The following COL5A1 variants were observed in gnomAD, a reference collection of about 807,000 sequenced individuals.
The protein encoded by COL5A1 is collagen type V alpha 1 chain.
COL5A1 carries 16 observed loss-of-function variants against 263.7 expected under a neutral mutation model. The ratio of observed to expected loss-of-function variants is 0.06; its 90% confidence interval spans 0.04 to 0.09. COL5A1 has a LOEUF of 0.09. Ranked by LOEUF, COL5A1 falls within the 10% of genes least tolerant of loss-of-function variation. The pLI is 1.00. For missense variants in COL5A1, 2,036 were observed against 2,540.5 expected (o/e 0.80, Z 4.27); for synonymous variants, 1,012 against 1,004.5 (o/e 1.01, Z -0.14).
At chr9:134,831,977 T>G (rs1026472795) in intron 64 of COL5A1, among the ~76,000 whole-genome samples, 1 of 152,130 alleles carries the variant, frequency 6.6e-6, no homozygotes, top group Non-Finnish European at 1.5e-5. Context: ...GATACCCAGA[T>G]TTTTCAGCCA....
At chr9:134,646,401 A>G (rs902063912) in intron 1 of COL5A1, among the ~76,000 whole-genome samples, 2 of 151,778 alleles carry the variant, frequency 1.3e-5, no homozygotes, top group African/African-American at 4.8e-5. Context: ...TGCAGAAATG[A>G]CCCTCCTTCG....
intron 4 of COL5A1, among the ~76,000 whole-genome samples, 180 bp from the exon 5 acceptor site, chr9:134,727,086 C>T (rs553990379): frequency 3.2e-4 from 33 of 102,004 alleles, no homozygotes; most frequent in Non-Finnish European, 5.9e-4. Context: ...GATGGGCCAG[C>T]CTAGCTTGAG....
chr9:134,827,025 C>T (rs1839310804), intron 63 of COL5A1, among the ~76,000 whole-genome samples: 1 of 152,168 alleles, frequency 6.6e-6, no homozygotes, highest in Non-Finnish European at 1.5e-5. Context: ...GCTCTCGTGC[C>T]CCTGCATCAG....
At position 134,757,156 on chromosome 9, in the gene COL5A1, G is replaced by A. The variant is rs1836008994; in HGVS notation, c.1881+338G>A. Among the ~76,000 whole-genome samples the A allele has an allele frequency of 6.6e-6, 1 of 152,146 alleles. No homozygotes were observed. The highest frequency in any genetic ancestry group is 6.5e-5 in the Admixed American group (1 of 15,278). ...CATATGGCAAGTGCGGGGGCCAGGGGGTCTTGTCCAGTCGGGACTCCTGGG... is the reference window on the plus strand; with the variant it reads ...CATATGGCAAGTGCGGGGGCCAGGGAGTCTTGTCCAGTCGGGACTCCTGGG... On this transcript the variant is annotated intron_variant, in intron 17 of 65. Coordinates refer to ENST00000371817, the MANE Select transcript of COL5A1 (RefSeq NM_000093.5). This position sits in a 1 kb window ranked among gnomAD's most constrained non-coding sequence, Gnocchi z 6.2.
Position 134,761,993 on chromosome 9 carries a change from G to T in COL5A1, c.1989+15G>T, listed in dbSNP as rs765969450. On this transcript the variant is annotated intron_variant, in intron 19 of 65. Transcript: ENST00000371817. ...ATGGAGAAAGGGTAGGTATTCTGCC[G>T]TCCCTCCGACTGCTCCTGCCTGCCC... 6.2e-7 allele frequency: 1 copy of T among 1,612,950 alleles called. No individual in the cohort carries two copies. Among genetic ancestry groups the T allele is most frequent in the Non-Finnish European group, 8.5e-7 (1 of 1,179,558 alleles).
At chr9:134,695,645 A>AG (rs1348064334) in intron 2 of COL5A1, among the ~76,000 whole-genome samples, 4 of 152,238 alleles carry the variant, frequency 2.6e-5, no homozygotes, top group Middle Eastern at 3.4e-3. Flanking sequence ...GGCTGAGAGG[A>AG]GGGGGGTCCC....
intron 9 of COL5A1, among the ~76,000 whole-genome samples, chr9:134,732,862 G>A (rs1186694278): frequency 6.6e-6 from 1 of 152,184 alleles, no homozygotes; most frequent in Non-Finnish European, 1.5e-5. Context: ...TGGCCTGGCT[G>A]GGAGGCCTCC....
chr9:134,696,886 C>T lies in COL5A1; in HGVS notation c.278-3023C>T, dbSNP rs1329659244. ...GAGATCGAGACCATCCTGGCTAACA[C>T]GGTGAAACCCCATCCCTACTAAAAA... On this transcript the variant is annotated intron_variant, in intron 2 of 65. Coordinates refer to ENST00000371817, the MANE Select transcript of COL5A1 (RefSeq NM_000093.5). This position sits in a 1 kb window ranked among gnomAD's most constrained non-coding sequence, Gnocchi z 4.3. 7.2e-5 allele frequency among the ~76,000 whole-genome samples: 11 copies of T among 152,068 alleles called. No homozygotes were observed. The highest frequency in any genetic ancestry group is 1.3e-4 in the Admixed American group (2 of 15,274).
intron 6 of COL5A1, among the ~76,000 whole-genome samples, chr9:134,729,886 G>C (rs761413435): frequency 4.5e-4 from 69 of 152,216 alleles, no homozygotes; most frequent in Non-Finnish European, 7.8e-4. Context: ...AGGTGACCTG[G>C]TCATCTCACA....
intron 35 of COL5A1, among the ~76,000 whole-genome samples, 190 bp downstream of exon 35, chr9:134,796,608 G>A (rs887144292): frequency 6.6e-6 from 1 of 152,180 alleles, no homozygotes; most frequent in Admixed American, 6.5e-5. Flanking sequence ...CAGGGGCCTC[G>A]ACCGCAGCCC....
At chr9:134,712,113 C>G (rs1834072302) in intron 4 of COL5A1, among the ~76,000 whole-genome samples, 1 of 111,716 alleles carries the variant, frequency 9.0e-6, no homozygotes, top group South Asian at 4.1e-4. Flanking sequence ...CCCCTTCCTT[C>G]CTTCCCCCTC....
intron 4 of COL5A1, among the ~76,000 whole-genome samples, chr9:134,710,822 A>C (rs566981165): frequency 5.1e-4 from 8 of 15,582 alleles, no homozygotes; most frequent in Admixed American, 6.8e-4. Context: ...GGGGGAGGGG[A>C]CCCCATCTGT....
intron 1 of COL5A1, among the ~76,000 whole-genome samples, chr9:134,665,521 A>C (rs1832330744): frequency 6.6e-6 from 1 of 152,228 alleles, no homozygotes; most frequent in Non-Finnish European, 1.5e-5. Flanking sequence ...ATTATTGAAA[A>C]GGGATGCATA....
intron 52 of COL5A1, 103 bp from the exon 53 acceptor site, chr9:134,816,923 G>T (rs973891841): frequency 2.9e-5 from 31 of 1,063,684 alleles, no homozygotes; most frequent in Non-Finnish European, 4.5e-5. Context: ...GGCGGCCGCA[G>T]GGCTGGCCGA....
intron 65 of COL5A1, among the ~76,000 whole-genome samples, chr9:134,840,584 C>G (rs962633335): frequency 1.3e-5 from 2 of 152,242 alleles, no homozygotes; most frequent in Admixed American, 1.3e-4. Flanking sequence ...AGAGGTGCAG[C>G]TGGCTGGCTC....
Position 134,823,457 on chromosome 9 carries a change from C to T in COL5A1, c.4686C>T (p.Pro1562=). ...GPKGEAGHPG[P]PGPPGPPGEV... is the part of the protein sequence containing the mutation. Reference sequence around the variant, plus strand: ...AGGGTGAGGCAGGCCACCCAGGACCCCCAGGCCCCCCGGTAAGTAGCCCTT... The same window carrying T: ...AGGGTGAGGCAGGCCACCCAGGACCTCCAGGCCCCCCGGTAAGTAGCCCTT... Residue 1562 remains proline (P), a synonymous_variant, in exon 61 of 66, where the codon CCC becomes CCT. Transcript: ENST00000371817. The T allele has an allele frequency of 1.2e-6, 2 of 1,614,190 alleles. No homozygotes were observed. The highest frequency in any genetic ancestry group is 1.7e-6 in the Non-Finnish European group (2 of 1,180,016).
intron 31 of COL5A1, among the ~76,000 whole-genome samples, chr9:134,786,896 C>T (rs953962354): frequency 1.2e-4 from 18 of 152,174 alleles, no homozygotes; most frequent in African/African-American, 4.1e-4. Context: ...GGAGGACGGG[C>T]GTGGTGGGCT....
At chr9:134,661,816 C>T (rs1201485674) in intron 1 of COL5A1, among the ~76,000 whole-genome samples, 1 of 152,194 alleles carries the variant, frequency 6.6e-6, no homozygotes, top group Admixed American at 6.5e-5. Flanking sequence ...TCCAGAATTC[C>T]TTAAGCAGTG....
At chr9:134,761,674 G>A (rs747110739) in intron 18 of COL5A1, among the ~76,000 whole-genome samples, 3 of 152,202 alleles carry the variant, frequency 2.0e-5, no homozygotes, top group Non-Finnish European at 2.9e-5. Context: ...CCTGCCTTGC[G>A]CTGCTGGGTG....
Sources: gnomAD v4.1 joint callset for allele counts (sites outside exome capture counted in the v4.1 genomes callset) on GRCh38, gnomAD v4.1.1 for gene constraint, Gnocchi (gnomAD v3.1) non-coding constraint, MANE v1.5 for transcripts, NCBI Gene and HGNC (gene_info 2026-07-23, HGNC 2026-07-21) for gene names.